Variants in IL1RAPL2 observed in about 807,000 individuals in gnomAD.
The protein encoded by IL1RAPL2 is X-linked interleukin-1 receptor accessory protein-like 2.
In IL1RAPL2, 3 loss-of-function variants were observed where a neutral mutation model predicts 44.1. The ratio of observed to expected loss-of-function variants is 0.07; its 90% CI spans 0.03 to 0.18. The LOEUF is 0.18. IL1RAPL2 is among the 10% of genes least tolerant of loss of function. The pLI is 1.00. For missense variants in IL1RAPL2, 391 were observed against 496.4 expected (o/e 0.79, Z 2.02); for synonymous variants, 181 against 178.8 (o/e 1.01, Z -0.10).
At chrX:105,619,066 T>G (rs780837603) in intron 6 of IL1RAPL2, among the ~76,000 whole-genome samples, 54 of 110,669 alleles carry the variant, frequency 4.9e-4, no homozygotes, top group Middle Eastern at 4.6e-3. Context: ...GAAAGACAGA[T>G]TAACAAAAGG....
At chrX:104,791,628 C>T (rs929435983) in intron 2 of IL1RAPL2, among the ~76,000 whole-genome samples, 5 of 111,874 alleles carry the variant, frequency 4.5e-5, no homozygotes, top group Non-Finnish European at 9.4e-5. Context: ...AGTTTCCCAG[C>T]ATTAAACTAG....
chrX:104,772,254 C>T (rs1361363846), intron 2 of IL1RAPL2, among the ~76,000 whole-genome samples: 1 of 112,016 alleles, frequency 8.9e-6, no homozygotes, highest in Admixed American at 9.5e-5. Context: ...CAATTAGTAG[C>T]CCTCCTATTG....
At chrX:105,322,883 G>T (rs73636215) in intron 5 of IL1RAPL2, among the ~76,000 whole-genome samples, 8,441 of 23,680 alleles carry the variant, frequency 0.36, 795 homozygotes, top group Middle Eastern at 0.5. Context: ...ATGTACAACA[G>T]TGGTCAAGAT....
At chrX:105,766,836 T>A in intron 10 of IL1RAPL2, 128 bp from the exon 11 acceptor site, 1 of 452,918 alleles carries the variant, frequency 2.2e-6, no homozygotes. Flanking sequence ...GAATGTACCA[T>A]ACAAGAAAAG....
chrX:105,503,086 A>G (rs962276845), intron 6 of IL1RAPL2, among the ~76,000 whole-genome samples: 1 of 111,112 alleles, frequency 9.0e-6, no homozygotes, highest in Non-Finnish European at 1.9e-5. Flanking sequence ...AGCAATTTAA[A>G]TTATGCAGAA....
intron 5 of IL1RAPL2, among the ~76,000 whole-genome samples, chrX:105,309,151 C>T (rs369007270): frequency 9.1e-6 from 1 of 109,907 alleles, no homozygotes; most frequent in East Asian, 2.9e-4. Context: ...TCTCTTGCCT[C>T]AGCCTCCCAA....
chrX:105,097,224 G>A (rs939742885), intron 2 of IL1RAPL2, among the ~76,000 whole-genome samples: 9 of 107,932 alleles, frequency 8.3e-5, no homozygotes, highest in Non-Finnish European at 1.5e-4. Flanking sequence ...GCTACCGGGA[G>A]GCTGAGGCAG....
intron 6 of IL1RAPL2, among the ~76,000 whole-genome samples, chrX:105,507,288 A>C (rs2036437375): frequency 8.9e-6 from 1 of 112,044 alleles, no homozygotes; most frequent in African/African-American, 3.2e-5. Flanking sequence ...GACCTTTTCG[A>C]CAACGTATAA....
chrX:105,057,926 C>T (rs1470448123), intron 2 of IL1RAPL2, among the ~76,000 whole-genome samples: 1 of 102,434 alleles, frequency 9.8e-6, no homozygotes, highest in African/African-American at 3.7e-5. Context: ...GAATTACAGG[C>T]ATGCGCCACC....
chrX:105,679,456 A>G (rs2037903723), intron 6 of IL1RAPL2, among the ~76,000 whole-genome samples: 1 of 112,172 alleles, frequency 8.9e-6, no homozygotes, highest in Non-Finnish European at 1.9e-5. Context: ...AGATATTATA[A>G]CTGGTTCAAA....
intron 3 of IL1RAPL2, among the ~76,000 whole-genome samples, chrX:105,204,360 A>G (rs1339244263): frequency 9.0e-6 from 1 of 111,719 alleles, no homozygotes; most frequent in East Asian, 2.8e-4. Context: ...AGAGGATTCT[A>G]TTGCTATAAA....
intron 2 of IL1RAPL2, among the ~76,000 whole-genome samples, chrX:105,040,763 C>T (rs753813911): frequency 1.8e-5 from 2 of 109,645 alleles, no homozygotes; most frequent in South Asian, 7.7e-4. Context: ...CTATTTGATT[C>T]TTCTTTTTTT....
At position 104,566,742 on chromosome X, in the gene IL1RAPL2, C is replaced by T. The variant is rs1035403294; in HGVS notation, c.-329C>T. On this transcript the variant is annotated 5_prime_UTR_variant, in exon 1 of 11. Transcript: ENST00000372582. Reference sequence around the variant, plus strand: ...CGGAGCTGAGTAATTTAGAAACCCTCCTTAACTCTCCCTTTCCAGCTCTCC... The same window carrying T: ...CGGAGCTGAGTAATTTAGAAACCCTTCTTAACTCTCCCTTTCCAGCTCTCC... The T allele has an allele frequency of 3.5e-5, 4 of 113,119 alleles. No homozygotes were observed. Among genetic ancestry groups the T allele is most frequent in the African/African-American group, 1.3e-4 (4 of 31,167 alleles). The allele number at this position is 113,119 out of a possible 1,213,427, so 9.3% of individuals were successfully genotyped here.
At chrX:104,777,274 G>C (rs758527537) in intron 2 of IL1RAPL2, among the ~76,000 whole-genome samples, 5 of 110,373 alleles carry the variant, frequency 4.5e-5, no homozygotes, top group Non-Finnish European at 9.5e-5. Context: ...ACTACTCTAG[G>C]TACGTCATAT....
intron 2 of IL1RAPL2, among the ~76,000 whole-genome samples, chrX:104,788,981 T>C (rs1332198604): frequency 8.9e-6 from 1 of 112,038 alleles, no homozygotes; most frequent in Non-Finnish European, 1.9e-5. Context: ...TTTATGCTAT[T>C]GTGAGAAGTA....
chrX:104,887,880 CT>C (rs1282435402), intron 2 of IL1RAPL2, among the ~76,000 whole-genome samples: 3 of 111,770 alleles, frequency 2.7e-5, no homozygotes, highest in Non-Finnish European at 3.8e-5. Context: ...AAATAAGCCT[CT>C]TCCCCCAGGG....
chrX:105,360,548 T>G (rs1167842320), intron 5 of IL1RAPL2, among the ~76,000 whole-genome samples: 1 of 110,643 alleles, frequency 9.0e-6, no homozygotes, highest in African/African-American at 3.3e-5. Flanking sequence ...GAATGGGAAG[T>G]GGCATAGGGT....
chrX:105,083,341 A>C (rs2032437945), intron 2 of IL1RAPL2, among the ~76,000 whole-genome samples: 1 of 111,880 alleles, frequency 8.9e-6, no homozygotes, highest in Non-Finnish European at 1.9e-5. Context: ...TGTGCCTGAA[A>C]GTGACTGGGA....
At chrX:105,020,843 A>T (rs926233760) in intron 2 of IL1RAPL2, among the ~76,000 whole-genome samples, 1 of 111,687 alleles carries the variant, frequency 9.0e-6, no homozygotes, top group African/African-American at 3.2e-5. Flanking sequence ...AAAATAAATG[A>T]CACCTCTTAT....
Sources: allele counts gnomAD v4.1 joint callset (sites outside exome capture counted in the v4.1 genomes callset), GRCh38; gene constraint gnomAD v4.1.1; transcripts MANE v1.5; gene names NCBI Gene and HGNC (gene_info 2026-07-23, HGNC 2026-07-21).